Variants in MYRIP observed in about 807,000 individuals in gnomAD.
MYRIP encodes myosin VIIA and Rab interacting protein, also known as rab effector MyRIP.
MYRIP carries 49 observed loss-of-function variants against 98.0 expected under a neutral mutation model. That is an observed-to-expected ratio of 0.50 (90% CI 0.40 to 0.63). MYRIP has a LOEUF of 0.63. MYRIP is among the 30% of genes least tolerant of loss of function. The pLI is 0.00. For synonymous variants in MYRIP, 404 were observed against 409.5 expected (o/e 0.99, Z 0.16); for missense variants, 1,004 against 1,058.2 (o/e 0.95, Z 0.71).
At chr3:39,959,585 A>C (rs371095788) in intron 2 of MYRIP, among the ~76,000 whole-genome samples, 1 of 151,956 alleles carries the variant, frequency 6.6e-6, no homozygotes, top group Non-Finnish European at 1.5e-5. Flanking sequence ...TGACGAGTTA[A>C]TGGGTGCAGC....
chr3:39,946,758 G>A (rs533587871), intron 2 of MYRIP, among the ~76,000 whole-genome samples: 1 of 152,264 alleles, frequency 6.6e-6, no homozygotes, highest in East Asian at 1.9e-4. Flanking sequence ...GAGAGCCTGA[G>A]CAGACGATCC....
At chr3:40,010,530 G>A (rs1489513975) in intron 2 of MYRIP, among the ~76,000 whole-genome samples, 3 of 152,188 alleles carry the variant, frequency 2.0e-5, no homozygotes, top group Non-Finnish European at 2.9e-5. Context: ...GAACAGGACA[G>A]CCCATCATGA....
chr3:39,863,459 A>G (rs1942529359), intron 1 of MYRIP, among the ~76,000 whole-genome samples: 1 of 152,098 alleles, frequency 6.6e-6, no homozygotes, highest in African/African-American at 2.4e-5. Flanking sequence ...GAAATGACAA[A>G]GGGGACATTA....
At chr3:39,969,168 T>C (rs936599460) in intron 2 of MYRIP, among the ~76,000 whole-genome samples, 1 of 152,210 alleles carries the variant, frequency 6.6e-6, no homozygotes, top group Non-Finnish European at 1.5e-5. Flanking sequence ...TTTTTGTACA[T>C]CGATTTTGTA....
intron 3 of MYRIP, among the ~76,000 whole-genome samples, chr3:40,062,726 T>C (rs931972477): frequency 2.0e-5 from 3 of 152,172 alleles, no homozygotes; most frequent in African/African-American, 7.2e-5. Context: ...AAAAATAAAT[T>C]GTAAATATAA....
intron 11 of MYRIP, among the ~76,000 whole-genome samples, chr3:40,214,644 A>G (rs181493555): frequency 6.6e-6 from 1 of 152,302 alleles, no homozygotes; most frequent in African/African-American, 2.4e-5. Context: ...GATTCCCAAA[A>G]GGTCATGTTT....
chr3:40,156,943 G>C (rs1950257120), intron 4 of MYRIP, among the ~76,000 whole-genome samples: 1 of 152,134 alleles, frequency 6.6e-6, no homozygotes, highest in African/African-American at 2.4e-5. Flanking sequence ...TCTGCAAACA[G>C]GGACAATTTG....
intron 3 of MYRIP, among the ~76,000 whole-genome samples, chr3:40,067,646 T>C (rs1948149679): frequency 6.6e-6 from 1 of 152,172 alleles, no homozygotes; most frequent in Non-Finnish European, 1.5e-5. Flanking sequence ...ATAGGCCTTA[T>C]TTCTACCCAG....
intron 1 of MYRIP, among the ~76,000 whole-genome samples, chr3:39,879,923 A>G (rs1002971241): frequency 1.2e-4 from 18 of 152,198 alleles, no homozygotes; most frequent in Non-Finnish European, 2.9e-5. Context: ...CCACCCTGGC[A>G]ACACTGAACT....
At chr3:40,078,266 G>A (rs1948396439) in intron 3 of MYRIP, among the ~76,000 whole-genome samples, 2 of 152,298 alleles carry the variant, frequency 1.3e-5, no homozygotes, top group East Asian at 3.9e-4. Context: ...CAGCTGGCCC[G>A]AAAGCGCTGT....
chr3:40,042,569 A>G (rs1371861360), intron 2 of MYRIP, among the ~76,000 whole-genome samples: 2 of 147,114 alleles, frequency 1.4e-5, no homozygotes, highest in African/African-American at 4.9e-5. Context: ...ACAACTGGGT[A>G]TAAAAAATAG....
chr3:40,113,757 T>C (rs916464933), intron 3 of MYRIP, among the ~76,000 whole-genome samples: 4 of 152,210 alleles, frequency 2.6e-5, no homozygotes, highest in Non-Finnish European at 1.5e-5. Context: ...TGGTGCTATC[T>C]TGGCTCACTG....
intron 4 of MYRIP, among the ~76,000 whole-genome samples, chr3:40,155,248 T>A (rs1469126674): frequency 6.6e-6 from 1 of 151,574 alleles, no homozygotes; most frequent in Non-Finnish European, 1.5e-5. Context: ...GGTGTTTGGT[T>A]TTTTGTTCCT....
At chr3:39,989,116 C>T (rs376221698) in intron 2 of MYRIP, among the ~76,000 whole-genome samples, 31 of 152,078 alleles carry the variant, frequency 2.0e-4, no homozygotes, top group African/African-American at 7.0e-4. Flanking sequence ...AGATTTTCAG[C>T]GTTTTTTTCG....
intron 2 of MYRIP, among the ~76,000 whole-genome samples, chr3:39,964,962 A>G (rs1027464463): frequency 6.6e-5 from 10 of 152,162 alleles, no homozygotes; most frequent in Non-Finnish European, 1.3e-4. Context: ...ATCCACTGGA[A>G]GACCCCAGAT....
chr3:39,907,980 A>G (rs993597416), intron 2 of MYRIP, among the ~76,000 whole-genome samples: 1 of 152,220 alleles, frequency 6.6e-6, no homozygotes, highest in African/African-American at 2.4e-5. Flanking sequence ...TAATTGTACA[A>G]TCCTCTGGTG....
intron 3 of MYRIP, among the ~76,000 whole-genome samples, chr3:40,142,539 C>T (rs1267327944): frequency 2.6e-5 from 4 of 151,788 alleles, no homozygotes; most frequent in Non-Finnish European, 4.4e-5. Flanking sequence ...CTTGGCACCT[C>T]GCAACCTCTG....
chr3:39,903,927 C>A (rs1242273904), intron 2 of MYRIP, among the ~76,000 whole-genome samples: 1 of 152,150 alleles, frequency 6.6e-6, no homozygotes, highest in Non-Finnish European at 1.5e-5. Flanking sequence ...ATCCAACTAT[C>A]TTTTTTCTAC....
intron 2 of MYRIP, among the ~76,000 whole-genome samples, chr3:39,954,032 C>G (rs1312263195): frequency 6.6e-6 from 1 of 152,114 alleles, no homozygotes; most frequent in Non-Finnish European, 1.5e-5. Context: ...TGGGTGGAGC[C>G]CACCGCAGCT....
Sources: allele counts gnomAD v4.1 joint callset (sites outside exome capture counted in the v4.1 genomes callset), GRCh38; gene constraint gnomAD v4.1.1; transcripts MANE v1.5; gene names NCBI Gene and HGNC (gene_info 2026-07-23, HGNC 2026-07-21).